The following ALDH1A1 variants were observed in gnomAD, a reference collection of about 807,000 sequenced individuals.
ALDH1A1 encodes the protein aldehyde dehydrogenase 1A1.
In ALDH1A1, 19 loss-of-function variants were observed where a neutral mutation model predicts 62.1. The ratio of observed to expected loss-of-function variants is 0.31; its 90% CI spans 0.21 to 0.45. The LOEUF is 0.45. Ranked by LOEUF, ALDH1A1 falls within the 20% of genes least tolerant of loss-of-function variation. ALDH1A1 has a pLI of 1.00. For missense variants in ALDH1A1, 521 were observed against 607.1 expected, an observed-to-expected ratio of 0.86 and a Z score of 1.49; for synonymous variants, 231 against 215.9, an observed-to-expected ratio of 1.07 and a Z score of -0.61.
chr9:72,951,865 T>C (rs1484180723), intron 1 of ALDH1A1, among the ~76,000 whole-genome samples: 2 of 151,998 alleles, frequency 1.3e-5, no homozygotes, highest in Non-Finnish European at 2.9e-5. Context: ...TCTCTGCTGC[T>C]ACTTTCCTGA....
intron 2 of ALDH1A1, among the ~76,000 whole-genome samples, chr9:72,936,206 C>T (rs1390566616): frequency 6.6e-6 from 1 of 152,114 alleles, no homozygotes. Flanking sequence ...CTAAGTCTTC[C>T]AGTATGATCA....
At chr9:72,925,702 T>C in intron 5 of ALDH1A1, 90 bp from the exon 6 acceptor site, 3 of 1,400,528 alleles carry the variant, frequency 2.1e-6, no homozygotes, top group Non-Finnish European at 2.9e-6. Flanking sequence ...CCTGTAGATG[T>C]TATGTAATAA....
At chr9:72,908,511 GAAAGAAA>G (rs1347445085) in intron 11 of ALDH1A1, among the ~76,000 whole-genome samples, 1 of 8,568 alleles carries the variant, frequency 1.2e-4, no homozygotes, top group Non-Finnish European at 5.2e-4. Flanking sequence ...AGAGACGAAA[GAAAGAAA>G]GAAAGAAAGA....
At chr9:72,935,299 T>G (rs1375123650) in intron 2 of ALDH1A1, among the ~76,000 whole-genome samples, 6 of 152,158 alleles carry the variant, frequency 3.9e-5, no homozygotes, top group Non-Finnish European at 8.8e-5. Flanking sequence ...TTAACTCAGA[T>G]TTGCCACCAT....
chr9:72,927,607 G>C (rs954670762), intron 4 of ALDH1A1, among the ~76,000 whole-genome samples: 2 of 152,174 alleles, frequency 1.3e-5, no homozygotes, highest in Non-Finnish European at 2.9e-5. Flanking sequence ...CTCTGGCGAA[G>C]AGAAGAACCA....
In ALDH1A1 at chr9:72,914,697, A is replaced by G. The variant is rs188824661; in HGVS notation, c.1035+2223T>C. On this transcript the variant is annotated intron_variant, in intron 9 of 12. Transcript: ENST00000297785. ...AAATCACTTGAAATATGAAAAAGAT[A>G]CACACATGAATCCACAGATATAATA... 3.0e-3 allele frequency among the ~76,000 whole-genome samples: 445 copies of G among 150,594 alleles called. 4 individuals carry two copies. The highest frequency in any genetic ancestry group is 3.1e-3 in the Non-Finnish European group (208 of 67,750).
At position 72,900,920 on chromosome 9, in the gene ALDH1A1, G is replaced by C. The variant is rs1829794423; in HGVS notation, c.*288C>G. ...ATAAAATTATTATCCTGCAAAAGTA[G>C]CTACAAAGGAAAATCACATAACTAT... On this transcript the variant is annotated 3_prime_UTR_variant, in exon 13 of 13. Coordinates refer to ENST00000297785, the MANE Select transcript of ALDH1A1 (RefSeq NM_000689.5). 4.2e-6 allele frequency: 1 copy of C among 237,214 alleles called. No homozygotes were observed. The highest frequency in any genetic ancestry group is 2.2e-5 in the African/African-American group (1 of 44,676). 14.7% of individuals were successfully genotyped at this position (237,214 alleles called of 1,614,324 possible). A position where few individuals can be genotyped will look rare whatever the true frequency, so the allele number is the denominator to read the frequency against.
Position 72,909,721 on chromosome 9 carries a change from A to C in ALDH1A1, c.1239T>G (p.Ser413=). The part of the protein sequence containing the change: ...GPVQQIMKFK[S]LDDVIKRANN... ...TTGCTCTTTTGATCACGTCATCTAAAGATTTAAACTTCATGATTTGCTGCA... is the reference window on the plus strand; with the variant it reads ...TTGCTCTTTTGATCACGTCATCTAACGATTTAAACTTCATGATTTGCTGCA... The change falls in exon 11 of 13, where the codon TCT becomes TCG. Residue 413 remains serine (S), a synonymous_variant. Transcript: ENST00000297785. 6.2e-7 allele frequency: 1 copy of C among 1,613,780 alleles called. No individual in the cohort carries two copies. Among genetic ancestry groups the C allele is most frequent in the Non-Finnish European group, 8.5e-7 (1 of 1,179,770 alleles).
At chr9:72,908,434 CAAAAAAAAAA>C (rs386415096) in intron 11 of ALDH1A1, among the ~76,000 whole-genome samples, 6 of 2,488 alleles carry the variant, frequency 2.4e-3, no homozygotes, top group Middle Eastern at 0.17. Flanking sequence ...GACTCCAGCT[CAAAAAAAAAA>C]AAAAAAAAAA....
chr9:72,908,602 AG>A (rs1294331765), intron 11 of ALDH1A1, among the ~76,000 whole-genome samples: 1 of 146,060 alleles, frequency 6.8e-6, no homozygotes, highest in Admixed American at 6.8e-5. Context: ...AAAGAAAGAA[AG>A]AAAGAAAGAA....
chr9:72,915,597 C>T (rs1455015155), intron 9 of ALDH1A1, among the ~76,000 whole-genome samples: 2 of 152,082 alleles, frequency 1.3e-5, no homozygotes, highest in Non-Finnish European at 2.9e-5. Flanking sequence ...AAGACAAATA[C>T]AAAATATAAT....
At chr9:72,912,672 C>T (rs1830007171) in intron 9 of ALDH1A1, among the ~76,000 whole-genome samples, 1 of 152,186 alleles carries the variant, frequency 6.6e-6, no homozygotes, top group Admixed American at 6.6e-5. Context: ...TCTGCGCACC[C>T]TTCCCAGTTC....
Position 72,930,884 on chromosome 9 carries a change from G to T in ALDH1A1, c.307C>A (p.Leu103Met), listed in dbSNP as rs1297610795. The change falls in exon 3 of 13, where the codon CTG becomes ATG. Residue 103 changes from leucine to methionine, a missense_variant. By Grantham distance (15) the Leu-to-Met change is conservative (BLOSUM62 2). Transcript: ENST00000297785. ...ADLIERDRLL[L>M]ATMESMNGGK... ...CCAGCTTGGATAATACTCACCGCCA[G>T]CAGCAGACGATCTCTTTCGATTAAA... is the stretch of plus-strand genomic sequence containing the variant. The T allele has an allele frequency of 6.2e-7, 1 of 1,613,976 alleles. No homozygotes were observed. The highest frequency in any genetic ancestry group is 8.5e-7 in the Non-Finnish European group (1 of 1,179,926).
chr9:72,936,160 G>T (rs1471132059), intron 2 of ALDH1A1, among the ~76,000 whole-genome samples: 2 of 152,164 alleles, frequency 1.3e-5, no homozygotes, highest in Non-Finnish European at 2.9e-5. Flanking sequence ...AATAGTAATT[G>T]TCAAGAAGCA....
chr9:72,904,725 A>G (rs1829853531), intron 12 of ALDH1A1, among the ~76,000 whole-genome samples: 1 of 152,098 alleles, frequency 6.6e-6, no homozygotes, highest in African/African-American at 2.4e-5. Context: ...GAGAGATGCC[A>G]TCCTGACTCT....
At chr9:72,903,609 T>TGA (rs1369731227) in intron 12 of ALDH1A1, among the ~76,000 whole-genome samples, 259 of 141,892 alleles carry the variant, frequency 1.8e-3, no homozygotes, top group African/African-American at 6.4e-3. Context: ...ATTTTTGAAG[T>TGA]AAAAAAAAAA....
Position 72,923,992 on chromosome 9 carries a change from AC to A in ALDH1A1, c.747+26del, listed in dbSNP as rs755205939. Reference sequence around the variant, plus strand: ...ATAGCTGGCAATGCAGACATTCTTAACTTTTGCCCTGAGTAAATAATATTAC... The same window carrying A: ...ATAGCTGGCAATGCAGACATTCTTAATTTTGCCCTGAGTAAATAATATTAC... On this transcript the variant is annotated intron_variant, in intron 7 of 12. Transcript: ENST00000297785. 4 of 1,484,364 alleles carry A rather than the reference AC, an allele frequency of 2.7e-6. No individual in the cohort carries two copies. In the Admixed American group the frequency reaches 8.2e-5, roughly 31 times the overall value. 91.9% of individuals were successfully genotyped at this position (1,484,364 alleles called of 1,614,324 possible). A position where few individuals can be genotyped will look rare whatever the true frequency, so the allele number is the denominator to read the frequency against.
intron 3 of ALDH1A1, among the ~76,000 whole-genome samples, chr9:72,930,439 G>A (rs954661736): frequency 1.3e-5 from 2 of 152,090 alleles, no homozygotes; most frequent in South Asian, 4.1e-4. Context: ...CTAGACTAAT[G>A]AGAAATAAGA....
At chr9:72,925,798 G>T (rs1012148168) in intron 5 of ALDH1A1, among the ~76,000 whole-genome samples, 186 bp from the exon 6 acceptor site, 1 of 151,938 alleles carries the variant, frequency 6.6e-6, no homozygotes, top group African/African-American at 2.4e-5. Flanking sequence ...GAATAAACCA[G>T]ATATGAGATA....
Sources: gnomAD v4.1 joint callset for allele counts (sites outside exome capture counted in the v4.1 genomes callset) on GRCh38, gnomAD v4.1.1 for gene constraint, MANE v1.5 for transcripts, NCBI Gene and HGNC (gene_info 2026-07-23, HGNC 2026-07-21) for gene names.